The following CDH26 variants were observed in gnomAD, a reference collection of about 807,000 sequenced individuals.
CDH26 encodes cadherin 26, also known as cadherin-like protein 26.
In CDH26, 83 loss-of-function variants were observed where a neutral mutation model predicts 90.3. The ratio of observed to expected loss-of-function variants is 0.92; its 90% CI spans 0.77 to 1.10. The LOEUF is 1.10. Ranked by LOEUF, CDH26 falls within the 50% of genes least tolerant of loss-of-function variation. The pLI is 0.00. For synonymous variants in CDH26, 397 were observed against 396.3 expected (o/e 1.00, Z -0.02); for missense variants, 1,013 against 1,037.6 (o/e 0.98, Z 0.33).
chr20:59,992,400 G>A lies in CDH26; in HGVS notation c.1306G>A (p.Ala436Thr). Residue 436 changes from alanine to threonine, a missense_variant, in exon 10 of 18, where the codon GCA (alanine) becomes ACA (threonine). Transcript: ENST00000348616. This position sits in a 1 kb window ranked among gnomAD's most constrained non-coding sequence, Gnocchi z 5.0. ...QIRYELVHDP[A>T]NWVSVDKNSG... is the part of the protein sequence containing the mutation. The stretch of plus-strand genomic sequence containing the variant: ...AAGATATGAACTGGTTCATGACCCA[G>A]CAAATTGGGTCAGCGTCGACAAAAA... The A allele has an allele frequency of 6.2e-7, 1 of 1,614,036 alleles. No individual in the cohort carries two copies. The highest frequency in any genetic ancestry group is 8.5e-7 in the Non-Finnish European group (1 of 1,179,966).
intron 9 of CDH26, among the ~76,000 whole-genome samples, chr20:59,991,465 G>A (rs958288037): frequency 1.3e-4 from 20 of 152,146 alleles, no homozygotes; most frequent in African/African-American, 4.8e-4. Context: ...TTTGGCCTGA[G>A]ATAATCCACA....
intron 9 of CDH26, among the ~76,000 whole-genome samples, chr20:59,991,524 A>G (rs868573408): frequency 1.3e-5 from 2 of 152,232 alleles, no homozygotes; most frequent in Admixed American, 6.5e-5. Context: ...GCAAAATCAC[A>G]GTGCTTCTAA....
intron 4 of CDH26, among the ~76,000 whole-genome samples, chr20:59,982,544 G>A (rs775329739): frequency 3.3e-5 from 5 of 152,190 alleles, no homozygotes; most frequent in African/African-American, 9.6e-5. Context: ...TCTGCTCTCT[G>A]TGATGTTTCA....
chr20:59,967,973 T>A (rs558849519), intron 1 of CDH26, among the ~76,000 whole-genome samples: 1,442 of 113,510 alleles, frequency 0.013, 20 homozygotes, highest in Middle Eastern at 0.02. Context: ...CTTTCTTTCT[T>A]TCTTTCTTTC....
At chr20:59,981,706 A>C (rs2061396907) in intron 4 of CDH26, among the ~76,000 whole-genome samples, 1 of 151,976 alleles carries the variant, frequency 6.6e-6, no homozygotes, top group South Asian at 2.1e-4. Flanking sequence ...TTCATGAGAG[A>C]TATTGTTCTG....
chr20:59,976,115 C>T (rs1478933395), intron 4 of CDH26, among the ~76,000 whole-genome samples: 1 of 152,104 alleles, frequency 6.6e-6, no homozygotes, highest in East Asian at 1.9e-4. Flanking sequence ...ACAGTCTAAC[C>T]TATGCAGTAG....
At chr20:60,010,652 G>C (rs2061824008) in intron 17 of CDH26, among the ~76,000 whole-genome samples, 1 of 152,236 alleles carries the variant, frequency 6.6e-6, no homozygotes, top group Admixed American at 6.5e-5. Flanking sequence ...ACAGGAATGA[G>C]CAGATATGAA....
intron 7 of CDH26, among the ~76,000 whole-genome samples, chr20:60,026,166 C>T (rs116858387): frequency 0.016 from 2,403 of 152,212 alleles, 32 homozygotes; most frequent in Middle Eastern, 0.055. Context: ...TGGGGTTTAT[C>T]GTTTGTTTCC....
chr20:59,971,856 G>T, intron 3 of CDH26, 106 bp from the exon 4 acceptor site: 4 of 846,438 alleles, frequency 4.7e-6, no homozygotes, highest in Non-Finnish European at 7.3e-6. Flanking sequence ...CCATTGCTGG[G>T]TATAATTTCT....
chr20:60,014,364 A>G lies in CDH26; in HGVS notation c.*1634A>G, dbSNP rs1342842543. The G allele has an allele frequency of 2.0e-4, 30 of 152,178 alleles. No homozygotes were observed. The highest frequency in any genetic ancestry group is 2.0e-3 in the Admixed American group (30 of 15,278). The allele number at this position is 152,178 out of a possible 1,614,324, so 9.4% of individuals were successfully genotyped here. ...TGTATTATTGTTAACTATAGGCAAC[A>G]TATAATGGTATAGAGTGCTAGAACG... On this transcript the variant is annotated 3_prime_UTR_variant, in exon 18 of 18. Transcript: ENST00000348616.
intron 7 of CDH26, among the ~76,000 whole-genome samples, chr20:60,027,131 C>A (rs955924341): frequency 6.6e-6 from 1 of 152,064 alleles, no homozygotes; most frequent in Non-Finnish European, 1.5e-5. Context: ...GGGTTATGGT[C>A]TTGGGCAGAG....
At position 59,980,002 on chromosome 20, in the gene CDH26, A is replaced by T. The variant is rs194987; in HGVS notation, c.394-2921A>T. ...CCTAGGAGTGGCTTAGTTGGATCAC[A>T]TAAGTGTATGTTTAACTCGATAAGC... On this transcript the variant is annotated intron_variant, in intron 4 of 17. Transcript: ENST00000348616. 3.3e-5 allele frequency among the ~76,000 whole-genome samples: 5 copies of T among 152,076 alleles called. No homozygotes were observed. In the East Asian group the frequency reaches 9.7e-4, roughly 29 times the overall value.
chr20:59,979,628 TTTTTTTTTTTTTTTTTA>T (rs1281627921), intron 4 of CDH26, among the ~76,000 whole-genome samples: 42 of 91,154 alleles, frequency 4.6e-4, no homozygotes, highest in East Asian at 9.7e-4. Context: ...TTTTTTTTTT[TTTTTTTTTTTTTTTTTA>T]GATAGAGTTT....
intron 4 of CDH26, among the ~76,000 whole-genome samples, chr20:59,972,502 C>G (rs1349092134): frequency 6.6e-6 from 1 of 152,076 alleles, no homozygotes; most frequent in Non-Finnish European, 1.5e-5. Flanking sequence ...AATGGGTTGC[C>G]CAATAACTGA....
chr20:59,994,213 G>A (rs745439458), intron 10 of CDH26, 37 bp from the exon 11 acceptor site: 2 of 1,612,366 alleles, frequency 1.2e-6, no homozygotes, highest in Non-Finnish European at 1.7e-6. Context: ...GTGTGTGCAC[G>A]AGATAAACAA....
chr20:60,012,386 C>T (rs1247705122), intron 17 of CDH26, 141 bp from the exon 18 acceptor site: 13 of 705,056 alleles, frequency 1.8e-5, no homozygotes, highest in African/African-American at 3.6e-5. Flanking sequence ...TGGAACTGTA[C>T]GAACTCCTGT....
rs1377241891 is a variant in CDH26, at chr20:60,001,427, T to C, written c.2166+16T>C. 1 of 1,613,016 alleles carries C rather than the reference T, an allele frequency of 6.2e-7. No homozygotes were observed. Among genetic ancestry groups the C allele is most frequent in the Admixed American group, 1.7e-5 (1 of 59,938 alleles). On this transcript the variant is annotated intron_variant, in intron 15 of 17. Coordinates refer to ENST00000348616, the MANE Select transcript of CDH26 (RefSeq NM_177980.4). ...GGGGAGCTGGGTGAGTTCCAGAAGGTTGCTCCCTGCTACGGCCATCTCACT... is the reference window on the plus strand; with the variant it reads ...GGGGAGCTGGGTGAGTTCCAGAAGGCTGCTCCCTGCTACGGCCATCTCACT...
rs6027236 is a variant in CDH26 at position 60,006,695 on chromosome 20, C to G, written c.2221-18C>G. 0.011 allele frequency: 17,914 copies of G among 1,605,802 alleles called. 1,703 individuals carry two copies. The African/African-American group carries it at 0.21, about 19-fold the overall frequency. On this transcript the variant is annotated intron_variant, in intron 16 of 17. Coordinates refer to ENST00000348616, the MANE Select transcript of CDH26 (RefSeq NM_177980.4). ...AAGGGCTCTGCTGTGGTATGAAGCT[C>G]TACTGGTTTGCTTGCAGGCTTACCC...
chr20:60,003,516 C>A (rs1230440438), intron 16 of CDH26, among the ~76,000 whole-genome samples: 1 of 152,068 alleles, frequency 6.6e-6, no homozygotes, highest in Non-Finnish European at 1.5e-5. Context: ...AGTTTCAAAT[C>A]TTAATGGTTT....
Sources: allele counts gnomAD v4.1 joint callset (sites outside exome capture counted in the v4.1 genomes callset), GRCh38; gene constraint gnomAD v4.1.1; non-coding constraint Gnocchi (gnomAD v3.1); transcripts MANE v1.5; gene names NCBI Gene and HGNC (gene_info 2026-07-23, HGNC 2026-07-21).